The following RIMS2 variants were observed in gnomAD, a reference collection of about 807,000 sequenced individuals.
RIMS2 encodes the protein regulating synaptic membrane exocytosis 2, also known as regulating synaptic membrane exocytosis protein 2.
Under a neutral mutation model 174.4 loss-of-function variants are expected in RIMS2, and 59 were observed. That is an observed-to-expected ratio of 0.34 (90% CI 0.27 to 0.42). RIMS2 has a LOEUF of 0.42. Ranked by LOEUF, RIMS2 falls within the 10% of genes least tolerant of loss-of-function variation. The pLI, the probability that RIMS2 is intolerant of heterozygous loss-of-function variation, is 1.00. For missense variants in RIMS2, 1,620 were observed against 1,666.3 expected (o/e 0.97, Z 0.48); for synonymous variants, 606 against 572.5 (o/e 1.06, Z -0.84).
chr8:103,710,619 A>G (rs1394695116), intron 2 of RIMS2, among the ~76,000 whole-genome samples: 1 of 152,170 alleles, frequency 6.6e-6, no homozygotes, highest in Non-Finnish European at 1.5e-5. Context: ...AGAGTGTGGC[A>G]ACTTTAACTT....
At chr8:103,580,833 T>C (rs2093571317) in intron 1 of RIMS2, among the ~76,000 whole-genome samples, 1 of 143,622 alleles carries the variant, frequency 7.0e-6, no homozygotes, top group Non-Finnish European at 1.5e-5. Flanking sequence ...TACTTTTTTT[T>C]TTTTTTTTTT....
At chr8:103,681,303 T>A (rs895876301) in intron 1 of RIMS2, among the ~76,000 whole-genome samples, 1 of 152,032 alleles carries the variant, frequency 6.6e-6, no homozygotes, top group African/African-American at 2.4e-5. Flanking sequence ...CCATGCACAT[T>A]AGCTATTTAG....
At chr8:103,788,491 A>G (rs1213515427) in intron 3 of RIMS2, among the ~76,000 whole-genome samples, 1 of 149,122 alleles carries the variant, frequency 6.7e-6, no homozygotes, top group East Asian at 2.0e-4. Context: ...CTTCTAACAG[A>G]CAGGACCCTC....
chr8:103,797,620 A>G (rs142614500), intron 3 of RIMS2, among the ~76,000 whole-genome samples: 1 of 152,346 alleles, frequency 6.6e-6, no homozygotes, highest in East Asian at 1.9e-4. Context: ...GCATAAAAGA[A>G]TTAAACTACT....
chr8:104,004,678 G>T (rs1299868579), intron 17 of RIMS2, among the ~76,000 whole-genome samples: 2 of 152,118 alleles, frequency 1.3e-5, no homozygotes, highest in Non-Finnish European at 2.9e-5. Flanking sequence ...CTGGAGCAAA[G>T]AATGTTTTAG....
intron 1 of RIMS2, chr8:103,559,349 C>T (rs1423885440): frequency 7.7e-6 from 2 of 259,528 alleles, no homozygotes; most frequent in African/African-American, 2.3e-5. Context: ...CTCCTTTATG[C>T]CCTTGGTGGT....
chr8:103,660,167 G>C (rs2096581111), intron 1 of RIMS2, among the ~76,000 whole-genome samples: 1 of 151,736 alleles, frequency 6.6e-6, no homozygotes, highest in South Asian at 2.1e-4. Context: ...AGCTGAGCCT[G>C]AGTAGACTCT....
intron 3 of RIMS2, among the ~76,000 whole-genome samples, chr8:103,795,877 T>TA (rs564837192): frequency 4.9e-4 from 75 of 152,316 alleles, no homozygotes; most frequent in South Asian, 4.8e-3. Context: ...TCTATAATCT[T>TA]ACCTTGTGTT....
At chr8:103,581,154 A>T (rs1254540511) in intron 1 of RIMS2, among the ~76,000 whole-genome samples, 1 of 152,114 alleles carries the variant, frequency 6.6e-6, no homozygotes, top group African/African-American at 2.4e-5. Flanking sequence ...CTACTAGGCA[A>T]GCATTACCCT....
chr8:103,733,424 G>T (rs1352302445), intron 2 of RIMS2, among the ~76,000 whole-genome samples: 1 of 152,034 alleles, frequency 6.6e-6, no homozygotes. Context: ...ACCTCAGCTG[G>T]TGTCTCACTT....
intron 1 of RIMS2, among the ~76,000 whole-genome samples, chr8:103,560,657 G>C (rs76878476): frequency 6.6e-6 from 1 of 152,178 alleles, no homozygotes; most frequent in Admixed American, 6.5e-5. Context: ...GTGTGTCAAT[G>C]TCTGGGGATT....
rs142855880 is a variant in RIMS2 at position 104,067,076 on chromosome 8, C to A, written c.3334+52461C>A. ...ACCATAACTTCTAGTTATACTGGTA[C>A]CTTTTTAATCCCCTTTTCCTTTAAT... On this transcript the variant is annotated intron_variant, in intron 19 of 23. Coordinates refer to ENST00000504942, the Ensembl canonical transcript of RIMS2. 2.6e-4 allele frequency among the ~76,000 whole-genome samples: 39 copies of A among 152,128 alleles called. No individual in the cohort carries two copies. In the East Asian group the frequency reaches 7.2e-3, roughly 28 times the overall value.
chr8:103,831,263 C>G (rs751184281), intron 3 of RIMS2, among the ~76,000 whole-genome samples: 1 of 152,088 alleles, frequency 6.6e-6, no homozygotes, highest in Non-Finnish European at 1.5e-5. Context: ...CTCCCCCTTC[C>G]AAATATGAAT....
exon 24 of RIMS2, chr8:104,251,783 T>A: frequency 6.2e-7 from 1 of 1,609,592 alleles, no homozygotes. Context: ...CAATCATCTC[T>A]GGAAAGTTCA....
intron 14 of RIMS2, among the ~76,000 whole-genome samples, chr8:103,951,193 T>C (rs1174231346): frequency 2.0e-5 from 3 of 152,162 alleles, no homozygotes; most frequent in Non-Finnish European, 4.4e-5. Flanking sequence ...AAACTCTCAA[T>C]AAACTAGGCA....
chr8:104,103,120 G>C (rs1350374004), intron 19 of RIMS2, among the ~76,000 whole-genome samples: 1 of 152,042 alleles, frequency 6.6e-6, no homozygotes, highest in Non-Finnish European at 1.5e-5. Flanking sequence ...CTAAGTAAAA[G>C]AAGAAAGGCA....
chr8:104,035,441 T>A (rs965815140), intron 19 of RIMS2, among the ~76,000 whole-genome samples: 1 of 151,766 alleles, frequency 6.6e-6, no homozygotes, highest in Non-Finnish European at 1.5e-5. Context: ...TAATCTTTAA[T>A]TTTTTTCTAA....
At chr8:103,664,796 A>C (rs1325607356) in intron 1 of RIMS2, among the ~76,000 whole-genome samples, 4 of 152,240 alleles carry the variant, frequency 2.6e-5, no homozygotes, top group Admixed American at 1.3e-4. Context: ...AAAGGATTAT[A>C]AATCATGCTA....
intron 1 of RIMS2, among the ~76,000 whole-genome samples, chr8:103,659,265 G>A (rs1473018409): frequency 1.3e-5 from 2 of 152,080 alleles, no homozygotes; most frequent in African/African-American, 4.8e-5. Flanking sequence ...CACGGGCTGC[G>A]GGCTGCCTAG....
Sources: gnomAD v4.1 joint callset for allele counts (sites outside exome capture counted in the v4.1 genomes callset) on GRCh38, gnomAD v4.1.1 for gene constraint, MANE v1.5 for transcripts, NCBI Gene and HGNC (gene_info 2026-07-23, HGNC 2026-07-21) for gene names.